The following GNAO1 variants were observed in gnomAD, a reference collection of about 807,000 sequenced individuals.
GNAO1 encodes guanine nucleotide-binding protein G(o) subunit alpha.
For missense variants in GNAO1, 166 were observed against 478.7 expected (o/e 0.35, Z 6.10); for synonymous variants, 164 against 180.7 (o/e 0.91, Z 0.74).
In GNAO1 at chr16:56,226,703, ATGTCATT is replaced by A. The variant is rs371102529; in HGVS notation, c.161+34089_161+34095del. On this transcript the variant is annotated intron_variant, in intron 2 of 8. Transcript: ENST00000262493. ...TAAGTTTTGGGCACTTGCATCCTTT[ATGTCATT>A]TAAGTGTCAGTCCTTTCAATAACTA... is the stretch of plus-strand genomic sequence containing the variant. 2.4e-3 allele frequency: 372 copies of A among 152,366 alleles called. 1 individual carries two copies. Among genetic ancestry groups the A allele is most frequent in the African/African-American group, 8.5e-3 (352 of 41,580 alleles). The allele number at this position is 152,366 out of a possible 1,614,324, so 9.4% of individuals were successfully genotyped here. A position where few individuals can be genotyped will look rare whatever the true frequency, so the allele number is the denominator to read the frequency against.
chr16:56,316,280 C>T (rs946627167), intron 3 of GNAO1, among the ~76,000 whole-genome samples: 2 of 152,172 alleles, frequency 1.3e-5, no homozygotes, highest in African/African-American at 4.8e-5. Flanking sequence ...GGCATTTCCT[C>T]TGCCAGGCTC....
chr16:56,296,527 C>T (rs1186114601), intron 3 of GNAO1, among the ~76,000 whole-genome samples: 11 of 152,058 alleles, frequency 7.2e-5, no homozygotes, highest in African/African-American at 2.7e-4. Context: ...TCTTAAGCGG[C>T]GTGTCTGGGC....
At chr16:56,211,894 G>A (rs778294332) in intron 2 of GNAO1, among the ~76,000 whole-genome samples, 17 of 152,212 alleles carry the variant, frequency 1.1e-4, no homozygotes, top group Non-Finnish European at 2.2e-4. Flanking sequence ...TATTCAGCGT[G>A]ACAACTTCCT....
At chr16:56,194,570 G>A (rs972558844) in intron 2 of GNAO1, 1 of 246,908 alleles carries the variant, frequency 4.1e-6, no homozygotes, top group Non-Finnish European at 8.2e-6. Flanking sequence ...TGGGCGCGGG[G>A]CTCGGAGGGA....
At chr16:56,214,177 C>T (rs1303671849) in intron 2 of GNAO1, among the ~76,000 whole-genome samples, 1 of 152,172 alleles carries the variant, frequency 6.6e-6, no homozygotes. Context: ...GGCTGCCTTG[C>T]CTTGCTGGTC....
At chr16:56,348,251 T>A in intron 6 of GNAO1, 1 of 949,616 alleles carries the variant, frequency 1.1e-6, no homozygotes, top group Non-Finnish European at 1.3e-6. Context: ...CAGGTGCACT[T>A]GCACGATGTG....
At chr16:56,273,790 G>A (rs755625744) in intron 2 of GNAO1, among the ~76,000 whole-genome samples, 9 of 152,170 alleles carry the variant, frequency 5.9e-5, no homozygotes, top group Non-Finnish European at 1.0e-4. Context: ...GCCTTCTGGC[G>A]TCTCTGCTGA....
intron 3 of GNAO1, among the ~76,000 whole-genome samples, chr16:56,321,925 T>A (rs1181943845): frequency 1.3e-5 from 2 of 152,204 alleles, no homozygotes; most frequent in Non-Finnish European, 2.9e-5. Flanking sequence ...CAGAATACCA[T>A]AAGCTGGGTG....
intron 2 of GNAO1, among the ~76,000 whole-genome samples, chr16:56,257,746 A>G (rs1294866012): frequency 6.6e-6 from 1 of 152,250 alleles, no homozygotes; most frequent in Non-Finnish European, 1.5e-5. Context: ...TGCAGGAAAC[A>G]TTTATTCTAC....
intron 2 of GNAO1, among the ~76,000 whole-genome samples, chr16:56,256,730 G>GTA (rs1567457310): frequency 1.5e-5 from 1 of 68,566 alleles, no homozygotes. Flanking sequence ...GTGTGTGTGT[G>GTA]TGTGTGTGTG....
intron 3 of GNAO1, among the ~76,000 whole-genome samples, chr16:56,315,393 T>G (rs2037497871): frequency 6.6e-6 from 1 of 152,184 alleles, no homozygotes; most frequent in South Asian, 2.1e-4. Context: ...TTTTTTCCTC[T>G]TAGAACACTG....
rs112692612 is a variant in GNAO1 at position 56,202,951 on chromosome 16, A to C, written c.161+10335A>C. Among the ~76,000 whole-genome samples the C allele has an allele frequency of 2.1e-3, 325 of 152,352 alleles. 4 individuals are homozygous for C. The highest frequency in any genetic ancestry group is 7.4e-3 in the African/African-American group (309 of 41,578). ...ACCTCATACACAAACAATCGGACGCAGTAATTGCAGACTGAAAGTTTTTTC... is the reference window on the plus strand; with the variant it reads ...ACCTCATACACAAACAATCGGACGCCGTAATTGCAGACTGAAAGTTTTTTC... On this transcript the variant is annotated intron_variant, in intron 2 of 8. Transcript: ENST00000262493.
At chr16:56,204,936 A>C (rs1402097977) in intron 2 of GNAO1, among the ~76,000 whole-genome samples, 1 of 152,156 alleles carries the variant, frequency 6.6e-6, no homozygotes, top group Non-Finnish European at 1.5e-5. Context: ...TTGAGGTCAT[A>C]ATTTATATCT....
intron 3 of GNAO1, among the ~76,000 whole-genome samples, chr16:56,321,357 A>G (rs1271111869): frequency 1.3e-5 from 2 of 152,210 alleles, no homozygotes; most frequent in African/African-American, 4.8e-5. Context: ...ATTATGACTC[A>G]GGTGCCTCCC....
rs77089195 is a variant in GNAO1 at position 56,265,871 on chromosome 16, G to T, written c.162-10060G>T. ...ATTAGCCATAGTACTGGTCCCTGCT[G>T]CTCCTCTGGCCTCATCCCCCACTTT... On this transcript the variant is annotated intron_variant, in intron 2 of 8. Coordinates refer to ENST00000262493, the MANE Select transcript of GNAO1 (RefSeq NM_020988.3). Among the ~76,000 whole-genome samples, 196 of 152,200 alleles carry T rather than the reference G, an allele frequency of 1.3e-3. 1 individual carries two copies. Among genetic ancestry groups the T allele is most frequent in the African/African-American group, 4.6e-3 (189 of 41,524 alleles).
At chr16:56,230,426 G>A (rs1466071987) in intron 2 of GNAO1, among the ~76,000 whole-genome samples, 3 of 152,202 alleles carry the variant, frequency 2.0e-5, no homozygotes, top group Non-Finnish European at 4.4e-5. Context: ...ACAGTGCCTC[G>A]CCTGGTCCCC....
At chr16:56,249,531 A>T (rs1596820361) in intron 2 of GNAO1, among the ~76,000 whole-genome samples, 1 of 152,144 alleles carries the variant, frequency 6.6e-6, no homozygotes, top group African/African-American at 2.4e-5. Context: ...GAAAGCACCA[A>T]GGGGGAGAGG....
intron 3 of GNAO1, among the ~76,000 whole-genome samples, chr16:56,309,672 TAGG>T (rs1305223600): frequency 6.6e-6 from 1 of 152,178 alleles, no homozygotes; most frequent in Non-Finnish European, 1.5e-5. Context: ...GCCCTTCTGC[TAGG>T]AGAAGAGGGA....
At chr16:56,329,559 T>A (rs1309446995) in intron 4 of GNAO1, among the ~76,000 whole-genome samples, 1 of 152,172 alleles carries the variant, frequency 6.6e-6, no homozygotes, top group Non-Finnish European at 1.5e-5. Context: ...GATTGGAGGC[T>A]CCAGAGCCCT....
Sources: gnomAD v4.1 joint callset for allele counts (sites outside exome capture counted in the v4.1 genomes callset) on GRCh38, gnomAD v4.1.1 for gene constraint, MANE v1.5 for transcripts, NCBI Gene and HGNC (gene_info 2026-07-23, HGNC 2026-07-21) for gene names.